SMAP2: variants seen among roughly 807,000 people sequenced by gnomAD.
SMAP2 encodes the protein small ArfGAP2.
In SMAP2, 25 loss-of-function variants were observed where a neutral mutation model predicts 56.4. That is an observed-to-expected ratio of 0.44 (90% CI 0.32 to 0.62). The LOEUF (loss-of-function observed/expected upper bound fraction) is 0.62. SMAP2 is among the 20% of genes least tolerant of loss of function. The pLI, the probability that SMAP2 is intolerant of heterozygous loss-of-function variation, is 0.04. For synonymous variants in SMAP2, 157 were observed against 181.7 expected, an observed-to-expected ratio of 0.86 and a Z score of 1.09; for missense variants, 388 against 545.6, an observed-to-expected ratio of 0.71 and a Z score of 2.88.
At position 40,408,337 on chromosome 1, in the gene SMAP2, T is replaced by A. The variant is rs185211177; in HGVS notation, c.238-316T>A. On this transcript the variant is annotated intron_variant, in intron 2 of 9. Transcript: ENST00000372718. This position sits in a 1 kb window ranked among gnomAD's most constrained non-coding sequence, Gnocchi z 4.3. ...TGATCATTGCCTGCCAAGTAGACATTTTAATTGGTAGCTGTGTATCTAAGA... is the reference window on the plus strand; with the variant it reads ...TGATCATTGCCTGCCAAGTAGACATATTAATTGGTAGCTGTGTATCTAAGA... 3.9e-5 allele frequency among the ~76,000 whole-genome samples: 6 copies of A among 152,316 alleles called. No individual in the cohort carries two copies. In the East Asian group the frequency reaches 1.2e-3, roughly 29 times the overall value.
At chr1:40,354,065 C>T (rs209592) in intron 1 of SMAP2, among the ~76,000 whole-genome samples, 11,584 of 152,170 alleles carry the variant, frequency 0.076, 1,515 homozygotes, top group African/African-American at 0.27. Flanking sequence ...ATGTAAACCA[C>T]TCCCTTGCCT....
chr1:40,404,984 A>G (rs1398319127), intron 1 of SMAP2, among the ~76,000 whole-genome samples: 2 of 152,222 alleles, frequency 1.3e-5, no homozygotes, highest in Non-Finnish European at 2.9e-5. Flanking sequence ...TTGTGATAGC[A>G]ATAAGGTATT....
intron 6 of SMAP2, among the ~76,000 whole-genome samples, chr1:40,414,780 A>T (rs1433217930): frequency 6.6e-6 from 1 of 152,036 alleles, no homozygotes; most frequent in Non-Finnish European, 1.5e-5. Flanking sequence ...GCCTGTGGTC[A>T]TTTTTCTCCA....
intron 1 of SMAP2, among the ~76,000 whole-genome samples, chr1:40,399,230 C>T (rs928749598): frequency 3.3e-5 from 5 of 151,498 alleles, no homozygotes; most frequent in African/African-American, 4.9e-5. Context: ...CTGCAACCTC[C>T]GCCTCCTGGG....
At chr1:40,355,737 C>G (rs1017006376) in intron 1 of SMAP2, among the ~76,000 whole-genome samples, 5 of 152,098 alleles carry the variant, frequency 3.3e-5, no homozygotes, top group African/African-American at 4.8e-5. Flanking sequence ...ATCCTCCCTT[C>G]TCAGCCCCTC....
At chr1:40,413,437 A>G (rs1644957300) in intron 5 of SMAP2, among the ~76,000 whole-genome samples, 1 of 152,218 alleles carries the variant, frequency 6.6e-6, no homozygotes, top group Non-Finnish European at 1.5e-5. Flanking sequence ...TTCTCTTGTT[A>G]GACCTTCTGT....
At chr1:40,404,470 ACTTTAAGTACG>A (rs1428853003) in intron 1 of SMAP2, among the ~76,000 whole-genome samples, 2 of 152,174 alleles carry the variant, frequency 1.3e-5, no homozygotes, top group African/African-American at 4.8e-5. Flanking sequence ...AAGCAAAAAG[ACTTTAAGTACG>A]CTGGAGTGGG....
intron 1 of SMAP2, among the ~76,000 whole-genome samples, chr1:40,389,459 A>T (rs890027947): frequency 4.8e-5 from 7 of 147,118 alleles, no homozygotes; most frequent in Non-Finnish European, 9.0e-5. Flanking sequence ...TGTTCAGGTC[A>T]TATGCTTTGT....
In SMAP2 at chr1:40,374,602, T is replaced by C. The variant is rs562939112; in HGVS notation, c.103+379T>C. On this transcript the variant is annotated intron_variant, in intron 1 of 9. Coordinates refer to ENST00000372718, the MANE Select transcript of SMAP2 (RefSeq NM_022733.3). This position sits in a 1 kb window ranked among gnomAD's most constrained non-coding sequence, Gnocchi z 5.9. The stretch of plus-strand genomic sequence containing the variant: ...TTGCGTGCGTGCGTGCGTGCGTGTG[T>C]GTGTGTGTGTGTGTGTGTGTGTGAG... The C allele has an allele frequency of 0.063, 67,163 of 1,072,438 alleles. 698 individuals carry two copies. The highest frequency in any genetic ancestry group is 0.22 in the East Asian group (7,466 of 33,946). 66.4% of individuals were successfully genotyped at this position (1,072,438 alleles called of 1,614,324 possible).
chr1:40,395,669 C>T (rs976001289), intron 1 of SMAP2, among the ~76,000 whole-genome samples: 4 of 152,134 alleles, frequency 2.6e-5, no homozygotes, highest in Non-Finnish European at 5.9e-5. Flanking sequence ...GGTATATTGA[C>T]TTGTCTAAAG....
At chr1:40,365,586 C>T (rs185865109) in intron 2 of SMAP2, among the ~76,000 whole-genome samples, 32 of 152,224 alleles carry the variant, frequency 2.1e-4, no homozygotes, top group African/African-American at 7.7e-4. Context: ...CCAGCGTGAC[C>T]GACGCAGAAG....
chr1:40,350,445 A>G (rs1336726683), intron 1 of SMAP2, among the ~76,000 whole-genome samples: 1 of 152,224 alleles, frequency 6.6e-6, no homozygotes, highest in Non-Finnish European at 1.5e-5. Context: ...AGGTTCAGGA[A>G]TCAGTGAGAA....
chr1:40,378,719 T>A lies in SMAP2; in HGVS notation c.103+4496T>A, dbSNP rs368283043. On this transcript the variant is annotated intron_variant, in intron 1 of 9. Transcript: ENST00000372718. ...GTCCAACAGAAAGTGTAATAATTTT[T>A]TGCTTTTCCCTTCTTCTGCTACATC... is the stretch of plus-strand genomic sequence containing the variant. Among the ~76,000 whole-genome samples, 5 of 152,220 alleles carry A rather than the reference T, an allele frequency of 3.3e-5. No homozygotes were observed. The South Asian group carries it at 1.0e-3, about 31-fold the overall frequency.
intron 1 of SMAP2, among the ~76,000 whole-genome samples, chr1:40,387,216 C>T (rs570225105): frequency 6.6e-6 from 1 of 152,232 alleles, no homozygotes; most frequent in African/African-American, 2.4e-5. Flanking sequence ...TTATATCATT[C>T]TTTTTTGCTT....
intron 1 of SMAP2, among the ~76,000 whole-genome samples, chr1:40,402,609 C>G (rs1484127047): frequency 2.0e-5 from 3 of 152,076 alleles, no homozygotes; most frequent in Non-Finnish European, 4.4e-5. Flanking sequence ...GCCACCATGC[C>G]TGGCTAATTT....
chr1:40,402,262 C>A (rs539263919), intron 1 of SMAP2, among the ~76,000 whole-genome samples: 1 of 152,284 alleles, frequency 6.6e-6, no homozygotes, highest in South Asian at 2.1e-4. Context: ...GATACATTCA[C>A]ATAATGTGTA....
At chr1:40,401,519 C>T (rs1644834305) in intron 1 of SMAP2, among the ~76,000 whole-genome samples, 1 of 152,052 alleles carries the variant, frequency 6.6e-6, no homozygotes, top group Non-Finnish European at 1.5e-5. Context: ...TTTGGAACTC[C>T]ATAGATTAGA....
chr1:40,380,291 A>G lies in SMAP2; in HGVS notation c.103+6068A>G, dbSNP rs377606992. On this transcript the variant is annotated intron_variant, in intron 1 of 9. Coordinates refer to ENST00000372718, the MANE Select transcript of SMAP2 (RefSeq NM_022733.3). ...CATTTTTGCAAATGTGCTTTATGGT[A>G]CCCTTGAGGATGGTCTCTGGATGTT... Among the ~76,000 whole-genome samples, 5 of 152,280 alleles carry G rather than the reference A, an allele frequency of 3.3e-5. No individual in the cohort carries two copies. The South Asian group carries it at 1.0e-3, about 32-fold the overall frequency.
chr1:40,386,246 G>T lies in SMAP2; in HGVS notation c.103+12023G>T, dbSNP rs954242083. On this transcript the variant is annotated intron_variant, in intron 1 of 9. Transcript: ENST00000372718. The surrounding 1 kb of genome is among the most constrained non-coding windows in gnomAD (Gnocchi z 4.1). Reference sequence around the variant, plus strand: ...GAGAAAGAATGAATTAAGAGATTCAGGCTCTTCTGCTATGTTGAAATCATT... The same window carrying T: ...GAGAAAGAATGAATTAAGAGATTCATGCTCTTCTGCTATGTTGAAATCATT... 6.6e-6 allele frequency among the ~76,000 whole-genome samples: 1 copy of T among 152,204 alleles called. No individual in the cohort carries two copies. The highest frequency in any genetic ancestry group is 2.4e-5 in the African/African-American group (1 of 41,454).
Sources: allele counts gnomAD v4.1 joint callset (sites outside exome capture counted in the v4.1 genomes callset), GRCh38; gene constraint gnomAD v4.1.1; non-coding constraint Gnocchi (gnomAD v3.1); transcripts MANE v1.5; gene names NCBI Gene and HGNC (gene_info 2026-07-23, HGNC 2026-07-21).